Variants in IL1RAP observed in about 807,000 individuals in gnomAD.
The protein encoded by IL1RAP is interleukin-1 receptor accessory protein.
IL1RAP carries 35 observed loss-of-function variants against 60.7 expected under a neutral mutation model. The ratio of observed to expected loss-of-function variants is 0.58; its 90% CI spans 0.44 to 0.76. The LOEUF is 0.76. Among genes scored for constraint, IL1RAP ranks in the 30% least tolerant of loss-of-function variants. The pLI is 0.00. For missense variants in IL1RAP, 572 were observed against 693.9 expected (o/e 0.82, Z 1.97); for synonymous variants, 268 against 250.9 (o/e 1.07, Z -0.64).
At chr3:190,598,184 C>G (rs1208503561) in intron 3 of IL1RAP, among the ~76,000 whole-genome samples, 1 of 152,134 alleles carries the variant, frequency 6.6e-6, no homozygotes, top group Non-Finnish European at 1.5e-5. Context: ...AAAGTGCAGT[C>G]TTCAGGGAGA....
At chr3:190,613,944 A>C (rs1731045930) in intron 5 of IL1RAP, among the ~76,000 whole-genome samples, 1 of 151,990 alleles carries the variant, frequency 6.6e-6, no homozygotes. Context: ...ATCAACTGAC[A>C]CCTTTAATCC....
chr3:190,590,732 A>G (rs1173212066), intron 3 of IL1RAP, among the ~76,000 whole-genome samples: 2 of 152,226 alleles, frequency 1.3e-5, no homozygotes, highest in Non-Finnish European at 1.5e-5. Context: ...TTGGCTCAGT[A>G]TTAACGTTGT....
intron 5 of IL1RAP, among the ~76,000 whole-genome samples, chr3:190,613,257 A>C (rs1047216422): frequency 2.0e-5 from 3 of 152,200 alleles, no homozygotes; most frequent in Non-Finnish European, 4.4e-5. Flanking sequence ...CCAAGGTATG[A>C]AGTAACAGAG....
intron 3 of IL1RAP, among the ~76,000 whole-genome samples, chr3:190,583,902 C>G (rs1392081833): frequency 6.6e-6 from 1 of 152,142 alleles, no homozygotes; most frequent in Non-Finnish European, 1.5e-5. Context: ...TTTATTCACT[C>G]TTATTTACAT....
intron 3 of IL1RAP, among the ~76,000 whole-genome samples, chr3:190,567,166 T>C (rs1440817121): frequency 6.6e-6 from 1 of 152,206 alleles, no homozygotes. Flanking sequence ...CATACGATTC[T>C]GACTTCCGAT....
chr3:190,535,433 G>A (rs1056940130), intron 1 of IL1RAP, among the ~76,000 whole-genome samples: 1 of 152,136 alleles, frequency 6.6e-6, no homozygotes, highest in Non-Finnish European at 1.5e-5. Flanking sequence ...TATTATCCAC[G>A]TGTTAAACAT....
intron 9 of IL1RAP, among the ~76,000 whole-genome samples, chr3:190,641,966 G>C (rs1445972088): frequency 6.6e-6 from 1 of 152,180 alleles, no homozygotes; most frequent in Non-Finnish European, 1.5e-5. Context: ...ATTCATGGAA[G>C]GAGTAGAAGA....
In IL1RAP at chr3:190,597,962, C is replaced by T. The variant is rs539269818; in HGVS notation, c.65-6166C>T. Among the ~76,000 whole-genome samples the T allele has an allele frequency of 7.9e-5, 12 of 152,222 alleles. 1 individual carries two copies. In the East Asian group the frequency reaches 2.3e-3, roughly 29 times the overall value. On this transcript the variant is annotated intron_variant, in intron 3 of 11. Transcript: ENST00000447382. The stretch of plus-strand genomic sequence containing the variant: ...TTATTTTATTGGTGTCAGAATGTCT[C>T]CTTAATAAGGGCACTGTTAAACCCC...
chr3:190,570,693 G>A (rs1026222347), intron 3 of IL1RAP, among the ~76,000 whole-genome samples: 1 of 152,034 alleles, frequency 6.6e-6, no homozygotes, highest in Non-Finnish European at 1.5e-5. Context: ...AGCCTCCCTA[G>A]TAGCTGGGAT....
rs77924410 is a variant in IL1RAP, at chr3:190,604,558, G to T, written c.350+145G>T. On this transcript the variant is annotated intron_variant, in intron 4 of 11. Coordinates refer to ENST00000447382, the MANE Select transcript of IL1RAP (RefSeq NM_002182.4). ...GGTAATTGTCTGCAGCTTAGCTGAA[G>T]GGGTCTGAAGGAGGTATGCAGAGAA... 480 of 838,532 alleles carry T rather than the reference G, an allele frequency of 5.7e-4. 5 individuals are homozygous for T. In the African/African-American group the frequency reaches 7.4e-3, roughly 13 times the overall value. The allele number at this position is 838,532 out of a possible 1,614,324, so 51.9% of individuals were successfully genotyped here.
chr3:190,643,844 G>A (rs1386518326), intron 9 of IL1RAP, among the ~76,000 whole-genome samples: 2 of 152,064 alleles, frequency 1.3e-5, no homozygotes, highest in Non-Finnish European at 2.9e-5. Flanking sequence ...CCAATACCGT[G>A]GACTTCTTCA....
At chr3:190,579,830 T>C (rs1577648292) in intron 3 of IL1RAP, among the ~76,000 whole-genome samples, 1 of 152,212 alleles carries the variant, frequency 6.6e-6, no homozygotes, top group African/African-American at 2.4e-5. Flanking sequence ...TGGGATGATA[T>C]TATATGTGGC....
In IL1RAP at chr3:190,618,518, G is replaced by A. The variant is rs554237546; in HGVS notation, c.538-1757G>A. On this transcript the variant is annotated intron_variant, in intron 5 of 11. Coordinates refer to ENST00000447382, the MANE Select transcript of IL1RAP (RefSeq NM_002182.4). Reference sequence around the variant, plus strand: ...AGAATATCTCTGTCTCATTTTTTCCGTCTATAAAATTACAGCGTATTTAGT... The same window carrying A: ...AGAATATCTCTGTCTCATTTTTTCCATCTATAAAATTACAGCGTATTTAGT... 3.4e-4 allele frequency among the ~76,000 whole-genome samples: 51 copies of A among 152,108 alleles called. No individual in the cohort carries two copies. In the South Asian group the frequency reaches 0.01, roughly 30 times the overall value.
chr3:190,620,513 C>T lies in IL1RAP; in HGVS notation c.703+73C>T. 3 of 1,264,236 alleles carry T rather than the reference C, an allele frequency of 2.4e-6. No individual in the cohort carries two copies. The African/African-American group carries it at 4.6e-5, about 19-fold the overall frequency. The allele number at this position is 1,264,236 out of a possible 1,614,324, so 78.3% of individuals were successfully genotyped here. A position where few individuals can be genotyped will look rare whatever the true frequency, so the allele number is the denominator to read the frequency against. ...TGTTATGGTTTTTAATAGTTTATTACACACTAGTATGTAAATTGTATAAGA... is the reference window on the plus strand; with the variant it reads ...TGTTATGGTTTTTAATAGTTTATTATACACTAGTATGTAAATTGTATAAGA... On this transcript the variant is annotated intron_variant, in intron 6 of 11. Coordinates refer to ENST00000447382, the MANE Select transcript of IL1RAP (RefSeq NM_002182.4).
At chr3:190,644,455 G>C in intron 10 of IL1RAP, 58 bp downstream of exon 10, 1 of 1,294,746 alleles carries the variant, frequency 7.7e-7, no homozygotes, top group Non-Finnish European at 1.1e-6. Flanking sequence ...AACATATGTT[G>C]TAAAAAAAAG....
intron 3 of IL1RAP, 55 bp downstream of exon 3, chr3:190,564,408 G>A (rs6764468): frequency 0.66 from 705,000 of 1,075,888 alleles, 236,386 homozygotes; most frequent in East Asian, 0.73. Flanking sequence ...GTAGGGTAAT[G>A]AGTCCACTCT....
At chr3:190,615,478 T>A in intron 5 of IL1RAP, 1 of 334,180 alleles carries the variant, frequency 3.0e-6, no homozygotes, top group Non-Finnish European at 5.8e-6. Context: ...ATTTAAAACT[T>A]TATCTTTTAG....
chr3:190,610,061 C>T (rs1730687519), intron 5 of IL1RAP, among the ~76,000 whole-genome samples: 1 of 152,112 alleles, frequency 6.6e-6, no homozygotes. Flanking sequence ...GTTGTAGTTC[C>T]TCACAACTCT....
chr3:190,627,781 G>T (rs1433547697), intron 8 of IL1RAP, among the ~76,000 whole-genome samples: 1 of 152,174 alleles, frequency 6.6e-6, no homozygotes, highest in African/African-American at 2.4e-5. Context: ...GAAGTAGAGA[G>T]AATACATATC....
Sources: allele counts gnomAD v4.1 joint callset (sites outside exome capture counted in the v4.1 genomes callset), GRCh38; gene constraint gnomAD v4.1.1; transcripts MANE v1.5; gene names NCBI Gene and HGNC (gene_info 2026-07-23, HGNC 2026-07-21).